The following SEM1 variants were observed in gnomAD, a reference collection of about 807,000 sequenced individuals.
SEM1 encodes the protein SEM1 26S proteasome subunit.
A neutral mutation model predicts 12.7 loss-of-function variants in SEM1; 3 were observed. That is an observed-to-expected ratio of 0.24 (90% CI 0.11 to 0.61). The LOEUF (loss-of-function observed/expected upper bound fraction) is 0.61. SEM1 is among the 20% of genes least tolerant of loss of function. The pLI, the probability that SEM1 is intolerant of heterozygous loss-of-function variation, is 0.88. For missense variants in SEM1, 59 were observed against 81.3 expected (o/e 0.73, Z 1.06); for synonymous variants, 30 against 27.8 (o/e 1.08, Z -0.25).
At chr7:96,541,431 G>GTTTTTTTTTTGTT (rs1804945390) in intron 2 of SEM1, among the ~76,000 whole-genome samples, 2 of 121,488 alleles carry the variant, frequency 1.6e-5, no homozygotes, top group Non-Finnish European at 3.2e-5. Flanking sequence ...TTTTTAATGG[G>GTTTTTTTTTTGTT]TTTTTTTTTT....
intron 1 of SEM1, among the ~76,000 whole-genome samples, chr7:96,698,726 T>C (rs1375892816): frequency 2.6e-5 from 4 of 152,134 alleles, no homozygotes; most frequent in African/African-American, 9.7e-5. Context: ...CAATAAACAT[T>C]CATGTGCATG....
intron 1 of SEM1, among the ~76,000 whole-genome samples, chr7:96,697,665 A>G (rs920605274): frequency 1.3e-5 from 2 of 152,258 alleles, no homozygotes; most frequent in African/African-American, 4.8e-5. Flanking sequence ...CAAATACAAA[A>G]CATGCAAGTA....
At chr7:96,487,577 C>T (rs1802826319) in intron 1 of SEM1, among the ~76,000 whole-genome samples, 1 of 150,192 alleles carries the variant, frequency 6.7e-6, no homozygotes, top group African/African-American at 2.5e-5. Flanking sequence ...AGCCTTACGA[C>T]TATTCTCTAA....
At position 96,573,964 on chromosome 7, in the gene SEM1, C is replaced by T. The variant is rs1191883089; in HGVS notation, c.171-67266G>A. ...AATATTTTTTATTATACTTTAAGTT[C>T]TAGAGTACATGCGCACAATGTGTAG... On this transcript the variant is annotated intron_variant and NMD_transcript_variant, in intron 2 of 3. Coordinates refer to the SEM1 transcript ENST00000466986. 2.6e-5 allele frequency among the ~76,000 whole-genome samples: 4 copies of T among 150,966 alleles called. No individual in the cohort carries two copies. The East Asian group carries it at 7.8e-4, about 30-fold the overall frequency.
At chr7:96,673,104 TTTTA>T (rs373268024), downstream of SEM1, 5 of 152,194 alleles carry the variant, frequency 3.3e-5, 1 homozygote, top group African/African-American at 1.2e-4. Context: ...TAATTTTTAT[TTTTA>T]TTTTTTATTT....
intron 2 of SEM1, among the ~76,000 whole-genome samples, chr7:96,584,772 C>T (rs1211097029): frequency 6.6e-6 from 1 of 152,110 alleles, no homozygotes; most frequent in Non-Finnish European, 1.5e-5. Context: ...GCTCCTGAGG[C>T]TTCTGCATTC....
intron 2 of SEM1, among the ~76,000 whole-genome samples, chr7:96,512,790 G>T (rs1010119920): frequency 6.6e-6 from 1 of 152,096 alleles, no homozygotes; most frequent in Non-Finnish European, 1.5e-5. Context: ...GATGGGAGGG[G>T]CCACTGGTTA....
Position 96,486,267 on chromosome 7 carries a change from T to A in SEM1, c.163A>T (p.Lys55Ter). Residue 55 changes from lysine to a stop codon, truncating the protein, a stop_gained, in exon 2 of 4, where the codon AAG becomes TAG. Coordinates refer to the SEM1 transcript ENST00000356686. LOFTEE classifies it high-confidence loss of function. Reference sequence around the variant, plus strand: ...GGCATCTCCAAGTTTATCTGTTGCTTTGCAAAGGCCGGATGCTTACTCTCA... The same window carrying A: ...GGCATCTCCAAGTTTATCTGTTGCTATGCAAAGGCCGGATGCTTACTCTCA... The A allele has an allele frequency of 6.5e-7, 1 of 1,537,180 alleles. No homozygotes were observed. The highest frequency in any genetic ancestry group is 8.7e-7 in the Non-Finnish European group (1 of 1,146,852).
At chr7:96,528,090 G>T (rs761339123) in intron 2 of SEM1, among the ~76,000 whole-genome samples, 3 of 152,208 alleles carry the variant, frequency 2.0e-5, no homozygotes, top group Middle Eastern at 3.4e-3. Context: ...ATCTCTCAGG[G>T]ACAATTTATG....
At chr7:96,557,207 T>C (rs1402162888) in intron 2 of SEM1, among the ~76,000 whole-genome samples, 10 of 151,604 alleles carry the variant, frequency 6.6e-5, no homozygotes, top group South Asian at 2.1e-4. Flanking sequence ...AGTCATTCTC[T>C]ATCCAGCTTT....
chr7:96,704,706 A>T (rs564302725), intron 1 of SEM1, among the ~76,000 whole-genome samples: 11 of 152,304 alleles, frequency 7.2e-5, no homozygotes, highest in Non-Finnish European at 4.4e-5. Context: ...GGTTATGTCC[A>T]CTATATTACA....
chr7:96,518,367 AT>A (rs1277261840), intron 2 of SEM1, among the ~76,000 whole-genome samples: 1 of 152,218 alleles, frequency 6.6e-6, no homozygotes, highest in African/African-American at 2.4e-5. Context: ...GTCCATGTGC[AT>A]ATTAAAATAA....
At chr7:96,661,803 C>T (rs1789010710) in intron 2 of SEM1, among the ~76,000 whole-genome samples, 1 of 151,924 alleles carries the variant, frequency 6.6e-6, no homozygotes, top group South Asian at 2.1e-4. Flanking sequence ...CCCTGACCAA[C>T]ATGGAGAAAC....
chr7:96,517,979 T>G (rs1268327757), intron 2 of SEM1, among the ~76,000 whole-genome samples: 1 of 152,172 alleles, frequency 6.6e-6, no homozygotes, highest in Non-Finnish European at 1.5e-5. Context: ...GAACGTTTAC[T>G]GTACTTAAGA....
At chr7:96,648,343 G>T (rs1222636849) in intron 2 of SEM1, among the ~76,000 whole-genome samples, 2 of 152,116 alleles carry the variant, frequency 1.3e-5, no homozygotes, top group Admixed American at 1.3e-4. Flanking sequence ...ATACATACCA[G>T]AAATTTCCAC....
chr7:96,522,891 CAAAAAA>C (rs540895823), intron 2 of SEM1, among the ~76,000 whole-genome samples: 1 of 87,684 alleles, frequency 1.1e-5, no homozygotes, highest in Non-Finnish European at 2.1e-5. Flanking sequence ...AACTCCATCT[CAAAAAA>C]AAAAAAAAAA....
intron 2 of SEM1, among the ~76,000 whole-genome samples, chr7:96,659,213 T>C (rs1788905635): frequency 1.3e-5 from 2 of 152,156 alleles, no homozygotes; most frequent in Non-Finnish European, 2.9e-5. Context: ...TGGATAGGTT[T>C]TAGTGAAACT....
At chr7:96,674,252 C>T (rs1789396744) in intron 2 of SEM1, among the ~76,000 whole-genome samples, 1 of 152,142 alleles carries the variant, frequency 6.6e-6, no homozygotes, top group Admixed American at 6.6e-5. Flanking sequence ...GTCATCTAGG[C>T]TTTACTTACC....
intron 2 of SEM1, chr7:96,646,047 A>G (rs901327256): frequency 2.5e-6 from 1 of 396,014 alleles, no homozygotes. Context: ...TGTCCCAGAT[A>G]TATATCCCTC....
Sources: gnomAD v4.1 joint callset for allele counts (sites outside exome capture counted in the v4.1 genomes callset) on GRCh38, gnomAD v4.1.1 for gene constraint, MANE v1.5 for transcripts, NCBI Gene and HGNC (gene_info 2026-07-23, HGNC 2026-07-21) for gene names.